SUSD1: variants seen among roughly 807,000 people sequenced by gnomAD.
The protein encoded by SUSD1 is sushi domain containing 1.
In SUSD1, 65 loss-of-function variants were observed where a neutral mutation model predicts 86.9. The observed-to-expected ratio is 0.75, with a 90% CI of 0.61 to 0.92. SUSD1 has a LOEUF of 0.92. Among genes scored for constraint, SUSD1 ranks in the 40% least tolerant of loss-of-function variants. The pLI is 0.00. For missense variants in SUSD1, 850 were observed against 929.7 expected, an observed-to-expected ratio of 0.91 and a Z score of 1.11; for synonymous variants, 346 against 350.0, an observed-to-expected ratio of 0.99 and a Z score of 0.13.
intron 1 of SUSD1, among the ~76,000 whole-genome samples, chr9:112,171,400 AT>A (rs893549226): frequency 1.3e-5 from 2 of 152,160 alleles, no homozygotes; most frequent in African/African-American, 4.8e-5. Context: ...GTATTCATTT[AT>A]TTGCCTACCA....
At chr9:112,067,135 C>T (rs910818086) in intron 12 of SUSD1, among the ~76,000 whole-genome samples, 13 of 152,352 alleles carry the variant, frequency 8.5e-5, no homozygotes, top group South Asian at 2.1e-4. Flanking sequence ...ACCTCTGCCT[C>T]CCAAAGTGCT....
intron 1 of SUSD1, among the ~76,000 whole-genome samples, chr9:112,165,045 A>G (rs1305053527): frequency 6.6e-6 from 1 of 152,238 alleles, no homozygotes; most frequent in African/African-American, 2.4e-5. Flanking sequence ...GAGGAGCCCT[A>G]TATTTTGGAT....
At chr9:112,165,852 G>A (rs111611733) in intron 1 of SUSD1, among the ~76,000 whole-genome samples, 2 of 132,224 alleles carry the variant, frequency 1.5e-5, no homozygotes, top group African/African-American at 5.9e-5. Context: ...GAAAGAGAAA[G>A]AGAAGGAAGG....
chr9:112,146,916 G>A (rs138811600), intron 3 of SUSD1, among the ~76,000 whole-genome samples: 18 of 152,272 alleles, frequency 1.2e-4, no homozygotes, highest in Non-Finnish European at 2.5e-4. Flanking sequence ...GGATACAGGC[G>A]TGAGTCACCA....
intron 2 of SUSD1, among the ~76,000 whole-genome samples, chr9:112,150,381 G>A (rs1201535197): frequency 6.6e-6 from 1 of 152,212 alleles, no homozygotes; most frequent in Non-Finnish European, 1.5e-5. Context: ...TTATGAATTT[G>A]TAGCTTGTTT....
intron 5 of SUSD1, among the ~76,000 whole-genome samples, chr9:112,128,876 T>C (rs972727598): frequency 6.6e-6 from 1 of 152,144 alleles, no homozygotes; most frequent in Non-Finnish European, 1.5e-5. Flanking sequence ...AGAGGGAGAC[T>C]GGCATGAGAT....
chr9:112,075,968 G>T (rs1475383886), intron 12 of SUSD1, among the ~76,000 whole-genome samples: 2 of 152,184 alleles, frequency 1.3e-5, no homozygotes, highest in Non-Finnish European at 2.9e-5. Context: ...GGAACTGCAA[G>T]AAGGCCAGGG....
intron 1 of SUSD1, chr9:112,174,091 C>G (rs1260236563): frequency 6.4e-6 from 1 of 155,776 alleles, no homozygotes; most frequent in African/African-American, 2.4e-5. Flanking sequence ...AGGCCTAGGT[C>G]TGCCAATCAA....
intron 10 of SUSD1, among the ~76,000 whole-genome samples, chr9:112,097,118 G>C (rs1474721554): frequency 6.6e-6 from 1 of 151,986 alleles, no homozygotes; most frequent in Non-Finnish European, 1.5e-5. Context: ...TTGAGGTCAG[G>C]AGTTCGAGAA....
chr9:112,147,728 C>T (rs1250593596), intron 3 of SUSD1, among the ~76,000 whole-genome samples: 1 of 152,204 alleles, frequency 6.6e-6, no homozygotes. Context: ...GAGATCATGC[C>T]ACTGCACTCC....
At chr9:112,155,895 G>C (rs552764721) in intron 2 of SUSD1, among the ~76,000 whole-genome samples, 1 of 150,710 alleles carries the variant, frequency 6.6e-6, no homozygotes, top group Non-Finnish European at 1.5e-5. Flanking sequence ...GAGAGAGGGA[G>C]AAGGAGAAAA....
chr9:112,100,150 T>G (rs1021471215), intron 9 of SUSD1, among the ~76,000 whole-genome samples: 1 of 152,220 alleles, frequency 6.6e-6, no homozygotes. Context: ...AATTTAAAAG[T>G]GTTTCACATG....
rs1022105254 is a variant in SUSD1 at position 112,048,034 on chromosome 9, T to A, written c.2149+4365A>T. Reference sequence around the variant, plus strand: ...CTGCAGCCAGGCCTTGCTCAGCTCCTTCTGTTAAGCTGCACTCCTTGCCAT... The same window carrying A: ...CTGCAGCCAGGCCTTGCTCAGCTCCATCTGTTAAGCTGCACTCCTTGCCAT... On this transcript the variant is annotated intron_variant, in intron 15 of 16. Coordinates refer to ENST00000374270, the MANE Select transcript of SUSD1 (RefSeq NM_022486.5). Among the ~76,000 whole-genome samples the A allele has an allele frequency of 4.3e-4, 66 of 152,202 alleles. 1 individual carries two copies. Among genetic ancestry groups the A allele is most frequent in the Non-Finnish European group, 8.8e-5 (6 of 68,032 alleles).
intron 8 of SUSD1, among the ~76,000 whole-genome samples, chr9:112,105,752 G>A (rs1830811601): frequency 6.6e-6 from 1 of 152,114 alleles, no homozygotes; most frequent in Admixed American, 6.6e-5. Context: ...CAGGGTACTA[G>A]GAAAGCTCAG....
intron 6 of SUSD1, among the ~76,000 whole-genome samples, chr9:112,121,449 G>T (rs973085888): frequency 6.6e-6 from 1 of 152,132 alleles, no homozygotes; most frequent in Non-Finnish European, 1.5e-5. Flanking sequence ...TGGGGAAAAG[G>T]TCTGTTTCCC....
chr9:112,060,212 C>A (rs1004259364), intron 13 of SUSD1, among the ~76,000 whole-genome samples: 2 of 152,106 alleles, frequency 1.3e-5, no homozygotes, highest in African/African-American at 4.8e-5. Context: ...AAGTCTCCCC[C>A]CACCAGGTTC....
At chr9:112,054,862 C>T (rs985123508) in intron 14 of SUSD1, among the ~76,000 whole-genome samples, 1 of 152,138 alleles carries the variant, frequency 6.6e-6, no homozygotes, top group Non-Finnish European at 1.5e-5. Context: ...AGCTTTTATG[C>T]ATCTAAGGAC....
rs1259330415 is a variant in SUSD1 at position 112,041,996 on chromosome 9, A to G, written c.2150-36T>C. Reference sequence around the variant, plus strand: ...AAACCACAGGCTTAGCCCAGAGTGCACGGCATCACCACCTCCCAGGAGGCA... The same window carrying G: ...AAACCACAGGCTTAGCCCAGAGTGCGCGGCATCACCACCTCCCAGGAGGCA... On this transcript the variant is annotated intron_variant, in intron 15 of 16. Coordinates refer to ENST00000374270, the MANE Select transcript of SUSD1 (RefSeq NM_022486.5). 15 of 1,608,244 alleles carry G rather than the reference A, an allele frequency of 9.3e-6. No individual in the cohort carries two copies. In the Admixed American group the frequency reaches 2.2e-4, roughly 23 times the overall value.
At chr9:112,101,338 G>C (rs932097800) in intron 9 of SUSD1, among the ~76,000 whole-genome samples, 3 of 151,936 alleles carry the variant, frequency 2.0e-5, no homozygotes, top group Admixed American at 6.6e-5. Context: ...CTCCAACCTG[G>C]GTAACAGAGC....
Sources: allele counts gnomAD v4.1 joint callset (sites outside exome capture counted in the v4.1 genomes callset), GRCh38; gene constraint gnomAD v4.1.1; transcripts MANE v1.5; gene names NCBI Gene and HGNC (gene_info 2026-07-23, HGNC 2026-07-21).